Variants in PLXNB2 observed in about 807,000 individuals in gnomAD.
The protein encoded by PLXNB2 is plexin B2.
PLXNB2 carries 85 observed loss-of-function variants against 202.6 expected under a neutral mutation model. The ratio of observed to expected loss-of-function variants is 0.42; its 90% confidence interval spans 0.35 to 0.50. The LOEUF (loss-of-function observed/expected upper bound fraction) is 0.50, where lower values mean the gene tolerates loss of function less well. Ranked by LOEUF, PLXNB2 falls within the 20% of genes least tolerant of loss-of-function variation. PLXNB2 has a pLI of 0.02. For missense variants in PLXNB2, 2,063 were observed against 2,586.2 expected (o/e 0.80, Z 4.39); for synonymous variants, 1,239 against 1,137.6 (o/e 1.09, Z -1.79).
rs373441508 is a variant in PLXNB2 at position 50,295,078 on chromosome 22, T to C, written c.-73-300A>G. On this transcript the variant is annotated intron_variant, in intron 1 of 36. Coordinates refer to ENST00000359337, the MANE Select transcript of PLXNB2 (RefSeq NM_012401.4). ...GCTCCCGCCTGTAATCCCAGCACTT[T>C]GGGAGGCCGAGGCGGGAGGATCACG... 2.1e-3 allele frequency among the ~76,000 whole-genome samples: 316 copies of C among 152,234 alleles called. 1 individual carries two copies. Among genetic ancestry groups the C allele is most frequent in the African/African-American group, 7.2e-3 (300 of 41,538 alleles).
intron 23 of PLXNB2, 31 bp from the exon 24 acceptor site, chr22:50,281,004 G>T: frequency 6.2e-7 from 1 of 1,604,200 alleles, no homozygotes; most frequent in South Asian, 1.1e-5. Flanking sequence ...GACGTCCCTG[G>T]CCACGTGGGG....
Position 50,275,305 on chromosome 22 carries a change from G to A in PLXNB2, c.*399C>T, listed in dbSNP as rs1569153068. On this transcript the variant is annotated 3_prime_UTR_variant, in exon 37 of 37. Transcript: ENST00000359337. The stretch of plus-strand genomic sequence containing the variant: ...AGACAGACATAGGATCTGGGAACTT[G>A]CCCTGGGGGCCACAGGCCCTCAGAT... 4 of 435,924 alleles carry A rather than the reference G, an allele frequency of 9.2e-6. No individual in the cohort carries two copies. The Admixed American group carries it at 1.1e-4, about 12-fold the overall frequency. The allele number at this position is 435,924 out of a possible 1,614,324, so 27.0% of individuals were successfully genotyped here. A position where few individuals can be genotyped will look rare whatever the true frequency, so the allele number is the denominator to read the frequency against.
At position 50,277,678 on chromosome 22, in the gene PLXNB2, A is replaced by G. The variant is rs372875753; in HGVS notation, c.5109T>C (p.His1703=). ...GCGAGGCGTCCACCACCTCGTGGAC[A>G]TGCACGTCAAAGATGAAGTGGGGGT... ...LKNPHFIFDV[H]VHEVVDASLS... The change falls in exon 33 of 37, where the codon CAT becomes CAC. Residue 1703 remains histidine (H), a synonymous_variant. Transcript: ENST00000359337. 154 of 1,608,754 alleles carry G rather than the reference A, an allele frequency of 9.6e-5. 1 individual carries two copies. In the Admixed American group the frequency reaches 2.2e-3, roughly 23 times the overall value.
intron 6 of PLXNB2, 67 bp downstream of exon 6, chr22:50,287,870 G>T: frequency 6.3e-7 from 1 of 1,590,966 alleles, no homozygotes. Context: ...TGTGCCCCCC[G>T]ACCCAGGCCA....
chr22:50,285,387 C>T (rs530297077), intron 11 of PLXNB2, among the ~76,000 whole-genome samples: 12 of 31,920 alleles, frequency 3.8e-4, no homozygotes, highest in South Asian at 1.8e-3. Context: ...CCTCCCTCCG[C>T]ACCTGAGCCT....
intron 1 of PLXNB2, among the ~76,000 whole-genome samples, chr22:50,303,563 C>T (rs1441721082): frequency 6.6e-6 from 1 of 152,256 alleles, no homozygotes; most frequent in African/African-American, 2.4e-5. Flanking sequence ...CCTGGCCCCT[C>T]AGGGGGCCGT....
Position 50,275,975 on chromosome 22 carries a change from CG to C in PLXNB2, c.5338-13del, listed in dbSNP as rs749647201. On this transcript the variant is annotated splice_polypyrimidine_tract_variant and intron_variant, in intron 35 of 36. Transcript: ENST00000359337. ...GAGTCCGTGTGCGCCTGGGGGGTGA[CG>C]GGACAGTCAGGGTGGAAAAGGGGCT... The C allele has an allele frequency of 6.2e-7, 1 of 1,611,856 alleles. No homozygotes were observed. The highest frequency in any genetic ancestry group is 1.3e-5 in the African/African-American group (1 of 74,870).
intron 24 of PLXNB2, 31 bp downstream of exon 24, chr22:50,280,713 T>TGGGG: frequency 6.4e-7 from 1 of 1,558,778 alleles, no homozygotes; most frequent in Non-Finnish European, 8.7e-7. Context: ...GCCACCTGTG[T>TGGGG]GCCCTCCCGC....
At chr22:50,301,604 A>G (rs1267217202) in intron 1 of PLXNB2, 1 of 149,546 alleles carries the variant, frequency 6.7e-6, no homozygotes, top group African/African-American at 2.5e-5. Context: ...GCCCCCACGC[A>G]TCTCCCCCTT....
chr22:50,298,409 G>C (rs142911900), intron 1 of PLXNB2, among the ~76,000 whole-genome samples: 1 of 151,912 alleles, frequency 6.6e-6, no homozygotes, highest in Non-Finnish European at 1.5e-5. Context: ...CCCCTTGCAC[G>C]GGCTGAGTCT....
chr22:50,290,890 C>T (rs1439497215), intron 2 of PLXNB2, among the ~76,000 whole-genome samples: 2 of 152,188 alleles, frequency 1.3e-5, no homozygotes, highest in Non-Finnish European at 2.9e-5. Context: ...ACCGGCAGGC[C>T]TATCCCCGAG....
At chr22:50,281,796 C>A in intron 20 of PLXNB2, 54 bp from the exon 21 acceptor site, 1 of 1,575,254 alleles carries the variant, frequency 6.3e-7, no homozygotes, top group South Asian at 1.2e-5. Context: ...GACAGGTGGA[C>A]CAGCTCTCAG....
rs780878945 is a variant in PLXNB2 at position 50,287,769 on chromosome 22, C to T, written c.1506G>A (p.Pro502=). The T allele has an allele frequency of 1.8e-5, 28 of 1,582,438 alleles. No homozygotes were observed. In the South Asian group the frequency reaches 2.2e-4, roughly 12 times the overall value. The change falls in exon 7 of 37, where the codon CCG becomes CCA. Residue 502 remains proline, a synonymous_variant. Coordinates refer to ENST00000359337, the MANE Select transcript of PLXNB2 (RefSeq NM_012401.4). ...GCCAGTGGCTGGCCTCCTCGGCCCGCGGACACTCGGCCTTCCGGGTGCATC... is the reference window on the plus strand; with the variant it reads ...GCCAGTGGCTGGCCTCCTCGGCCCGTGGACACTCGGCCTTCCGGGTGCATC... ...EGRCTRKAEC[P]RAEEASHWLW...
chr22:50,284,129 C>T lies in PLXNB2; in HGVS notation c.2263+3G>A, dbSNP rs2066242426. The T allele has an allele frequency of 5.0e-6, 8 of 1,611,364 alleles. No homozygotes were observed. Among genetic ancestry groups the T allele is most frequent in the Non-Finnish European group, 6.8e-6 (8 of 1,179,558 alleles). On this transcript the variant is annotated splice_donor_region_variant and intron_variant, in intron 13 of 36. Transcript: ENST00000359337. The surrounding 1 kb of genome is among the most constrained non-coding windows in gnomAD (Gnocchi z 8.0). ...CGCCCCCCACTGCGCCCGTGGCCCC[C>T]ACCATGGAGCTTGCTGTCGATATTC... is the stretch of plus-strand genomic sequence containing the variant.
chr22:50,291,700 C>T lies in PLXNB2; in HGVS notation c.-13-1103G>A, dbSNP rs2066880927. Among the ~76,000 whole-genome samples, 2 of 152,128 alleles carry T rather than the reference C, an allele frequency of 1.3e-5. No individual in the cohort carries two copies. The highest frequency in any genetic ancestry group is 2.9e-5 in the Non-Finnish European group (2 of 67,998). ...GTCCGTCCCTCTCACGCTAGGGACC[C>T]TGCTCCATCCTGGCCAGTGATCCCT... is the stretch of plus-strand genomic sequence containing the variant. On this transcript the variant is annotated intron_variant, in intron 2 of 36. Coordinates refer to ENST00000359337, the MANE Select transcript of PLXNB2 (RefSeq NM_012401.4). This position sits in a 1 kb window ranked among gnomAD's most constrained non-coding sequence, Gnocchi z 4.3.
chr22:50,301,736 G>A (rs891866833), intron 1 of PLXNB2, among the ~76,000 whole-genome samples: 5 of 152,238 alleles, frequency 3.3e-5, no homozygotes, highest in Admixed American at 6.5e-5. Flanking sequence ...TTGGGGGGTG[G>A]ACGGGTGAGG....
chr22:50,282,620 C>G, intron 18 of PLXNB2, 91 bp downstream of exon 18: 1 of 981,492 alleles, frequency 1.0e-6, no homozygotes, highest in East Asian at 2.6e-5. Flanking sequence ...AGACCAGCCC[C>G]ACCACATTCC....
At chr22:50,293,710 C>T (rs1460209708) in intron 2 of PLXNB2, among the ~76,000 whole-genome samples, 1 of 152,228 alleles carries the variant, frequency 6.6e-6, no homozygotes, top group African/African-American at 2.4e-5. Flanking sequence ...CTGCGGCGCC[C>T]CTAGCCCCAG....
chr22:50,279,711 C>G lies in PLXNB2; in HGVS notation c.4308G>C (p.Pro1436=), dbSNP rs750673469. The change falls in exon 27 of 37, where the codon CCG becomes CCC. Residue 1436 remains proline (P), a synonymous_variant. Transcript: ENST00000359337. The part of the protein sequence containing the change: ...KAIKHQVEKG[P]VDAVQKKAKY... ...TGGCCTTCTTCTGTACCGCATCCAC[C>G]GGGCCCTTTTCCACCTGATGTTTGA... 1 of 1,613,980 alleles carries G rather than the reference C, an allele frequency of 6.2e-7. No individual in the cohort carries two copies. Among genetic ancestry groups the G allele is most frequent in the African/African-American group, 1.3e-5 (1 of 75,048 alleles).
Sources: allele counts gnomAD v4.1 joint callset (sites outside exome capture counted in the v4.1 genomes callset), GRCh38; gene constraint gnomAD v4.1.1; non-coding constraint Gnocchi (gnomAD v3.1); transcripts MANE v1.5; gene names NCBI Gene and HGNC (gene_info 2026-07-23, HGNC 2026-07-21).